RBFOX1: variants seen among roughly 807,000 people sequenced by gnomAD.
The protein encoded by RBFOX1 is RNA binding protein fox-1 homolog 1.
A neutral mutation model predicts 57.7 loss-of-function variants in RBFOX1; 8 were observed. The ratio of observed to expected loss-of-function variants is 0.14; its 90% CI spans 0.08 to 0.25. The LOEUF (loss-of-function observed/expected upper bound fraction) is 0.25, where lower values mean the gene tolerates loss of function less well. Among genes scored for constraint, RBFOX1 ranks in the 10% least tolerant of loss-of-function variants. The pLI is 1.00. For missense variants in RBFOX1, 611 were observed against 548.5 expected, an observed-to-expected ratio of 1.11 and a Z score of -1.14; for synonymous variants, 326 against 222.4, an observed-to-expected ratio of 1.47 and a Z score of -4.15.
At position 6,290,236 on chromosome 16, in the gene RBFOX1, C is replaced by T. The variant is rs113276422; in HGVS notation, c.-126-26759C>T. ...TTGTTGTGAGCATAGCAGTGATGTC[C>T]GTGTGAATAACATGTGCACTAAGAA... On this transcript the variant is annotated intron_variant, in intron 1 of 15. Transcript: ENST00000550418. Among the ~76,000 whole-genome samples, 622 of 147,216 alleles carry T rather than the reference C, an allele frequency of 4.2e-3. 97 individuals are homozygous for T. The highest frequency in any genetic ancestry group is 0.011 in the Middle Eastern group (3 of 272).
At chr16:5,573,109 T>C (rs1287524103) in intron 2 of RBFOX1, among the ~76,000 whole-genome samples, 1 of 152,096 alleles carries the variant, frequency 6.6e-6, no homozygotes, top group Non-Finnish European at 1.5e-5. Flanking sequence ...GGGATGGAGA[T>C]GACGAGAATT....
intron 5 of RBFOX1, among the ~76,000 whole-genome samples, chr16:7,539,832 A>G (rs985418853): frequency 1.3e-5 from 2 of 152,208 alleles, no homozygotes; most frequent in Non-Finnish European, 2.9e-5. Flanking sequence ...GTAAGAATAT[A>G]GCATCCAGAT....
intron 14 of RBFOX1, among the ~76,000 whole-genome samples, chr16:7,697,799 T>C (rs1055796280): frequency 2.6e-5 from 4 of 152,178 alleles, no homozygotes; most frequent in African/African-American, 9.7e-5. Context: ...GTATGCTATC[T>C]TGCTCCTATG....
At chr16:7,510,203 C>A in intron 4 of RBFOX1, 1 of 985,860 alleles carries the variant, frequency 1.0e-6, no homozygotes, top group Non-Finnish European at 1.2e-6. Context: ...TTGCACAGCG[C>A]GCACACCCTC....
rs368460112 is a variant in RBFOX1 at position 6,911,906 on chromosome 16, A to T, written c.-15-140151A>T. 1.7e-4 allele frequency among the ~76,000 whole-genome samples: 26 copies of T among 152,306 alleles called. No homozygotes were observed. In the East Asian group the frequency reaches 2.7e-3, roughly 16 times the overall value. ...TACAGGTGGTCTTCAGATGTGGCCA[A>T]ATATAGAAGACACAGTGTAAGATTT... On this transcript the variant is annotated intron_variant, in intron 3 of 15. Transcript: ENST00000550418.
chr16:5,345,134 C>A (rs2065113232), intron 1 of RBFOX1, among the ~76,000 whole-genome samples: 1 of 152,136 alleles, frequency 6.6e-6, no homozygotes, highest in Non-Finnish European at 1.5e-5. Context: ...TGCCTCGACC[C>A]TCTGTGAACT....
chr16:7,034,827 C>CTTTTTTTTTTTCTTTTTTGT, intron 3 of RBFOX1, among the ~76,000 whole-genome samples: 1 of 54,112 alleles, frequency 1.8e-5, no homozygotes, highest in East Asian at 7.4e-4. Context: ...TATTGCATTA[C>CTTTTTTTTTTTCTTTTTTGT]TTTTTTTTTT....
chr16:5,916,402 T>A (rs556522420), intron 4 of RBFOX1, among the ~76,000 whole-genome samples: 1 of 152,280 alleles, frequency 6.6e-6, no homozygotes, highest in African/African-American at 2.4e-5. Context: ...TTTCTTTACC[T>A]CCTTTCCCAA....
At chr16:5,982,613 T>G (rs565057636) in intron 4 of RBFOX1, among the ~76,000 whole-genome samples, 1 of 152,310 alleles carries the variant, frequency 6.6e-6, no homozygotes, top group East Asian at 1.9e-4. Context: ...ATACCTAGAA[T>G]GCTCATCCAT....
chr16:6,469,336 C>T (rs949094626), intron 2 of RBFOX1, among the ~76,000 whole-genome samples: 1 of 152,128 alleles, frequency 6.6e-6, no homozygotes, highest in South Asian at 2.1e-4. Context: ...CAAATGATCC[C>T]ACTGACAATC....
intron 3 of RBFOX1, among the ~76,000 whole-genome samples, chr16:6,773,657 C>A (rs1320854952): frequency 9.8e-5 from 3 of 30,568 alleles, no homozygotes; most frequent in African/African-American, 2.4e-4. Context: ...GGTGTGGGGT[C>A]TATTTGTGTG....
intron 3 of RBFOX1, among the ~76,000 whole-genome samples, chr16:5,745,219 T>G (rs1188641522): frequency 6.6e-6 from 1 of 152,226 alleles, no homozygotes; most frequent in East Asian, 1.9e-4. Flanking sequence ...TGCGATAGTT[T>G]GCTGAGAATG....
intron 4 of RBFOX1, among the ~76,000 whole-genome samples, chr16:7,235,745 T>C (rs2093734611): frequency 6.6e-6 from 1 of 152,164 alleles, no homozygotes; most frequent in African/African-American, 2.4e-5. Context: ...ATATTAAGGG[T>C]TGACCAAAAA....
intron 3 of RBFOX1, among the ~76,000 whole-genome samples, chr16:7,045,317 C>T (rs575323325): frequency 1.3e-5 from 2 of 152,040 alleles, no homozygotes; most frequent in African/African-American, 2.4e-5. Context: ...AGAATATAAG[C>T]AAAATAATAT....
At chr16:6,936,183 G>T (rs1446395065) in intron 3 of RBFOX1, among the ~76,000 whole-genome samples, 2 of 152,136 alleles carry the variant, frequency 1.3e-5, no homozygotes, top group African/African-American at 4.8e-5. Context: ...TGCGAGTTGT[G>T]CAAGGATATT....
At chr16:5,863,222 A>G (rs763889715) in intron 3 of RBFOX1, among the ~76,000 whole-genome samples, 1 of 152,218 alleles carries the variant, frequency 6.6e-6, no homozygotes, top group Non-Finnish European at 1.5e-5. Flanking sequence ...ACACATGCAG[A>G]GAAACCGAAG....
At chr16:7,571,380 C>A (rs2092756928) in intron 5 of RBFOX1, among the ~76,000 whole-genome samples, 1 of 152,132 alleles carries the variant, frequency 6.6e-6, no homozygotes, top group Non-Finnish European at 1.5e-5. Flanking sequence ...CATTTTCTCT[C>A]CAACAGTCAT....
chr16:6,358,097 G>C (rs1230333845), intron 2 of RBFOX1, among the ~76,000 whole-genome samples: 1 of 152,120 alleles, frequency 6.6e-6, no homozygotes, highest in African/African-American at 2.4e-5. Flanking sequence ...AGGAGGCTCT[G>C]AGGCTGCCTG....
chr16:7,189,562 C>A (rs570998565), intron 4 of RBFOX1, among the ~76,000 whole-genome samples: 1 of 148,754 alleles, frequency 6.7e-6, no homozygotes, highest in South Asian at 2.1e-4. Flanking sequence ...AAAACACACA[C>A]ACACACACAC....
Sources: allele counts gnomAD v4.1 joint callset (sites outside exome capture counted in the v4.1 genomes callset), GRCh38; gene constraint gnomAD v4.1.1; transcripts MANE v1.5; gene names NCBI Gene and HGNC (gene_info 2026-07-23, HGNC 2026-07-21).